CCDC122: variants seen among roughly 807,000 people sequenced by gnomAD.
CCDC122 encodes coiled-coil domain-containing protein 122.
Under a neutral mutation model 37.0 loss-of-function variants are expected in CCDC122, and 38 were observed. The observed-to-expected ratio is 1.03, with a 90% confidence interval of 0.79 to 1.35. The LOEUF is 1.35. Among genes scored for constraint, CCDC122 ranks in the 40% most tolerant of loss-of-function variants. The probability of loss-of-function intolerance (pLI) is 0.00; values close to 1 mark genes in which losing one functional copy is unlikely to be tolerated. For synonymous variants in CCDC122, 83 were observed against 95.6 expected, an observed-to-expected ratio of 0.87 and a Z score of 0.77; for missense variants, 305 against 310.0, an observed-to-expected ratio of 0.98 and a Z score of 0.12.
downstream of CCDC122, among the ~76,000 whole-genome samples, chr13:43,831,402 A>G (rs1953088338): frequency 6.6e-6 from 1 of 152,214 alleles, no homozygotes; most frequent in Non-Finnish European, 1.5e-5. Flanking sequence ...TTTCAGTGTC[A>G]TATACACAAA....
intron 3 of CCDC122, among the ~76,000 whole-genome samples, chr13:43,824,509 G>A (rs967623876): frequency 1.3e-5 from 2 of 152,160 alleles, no homozygotes; most frequent in Non-Finnish European, 2.9e-5. Context: ...AAGAGTTTAT[G>A]ACTAAGTCTT....
chr13:43,858,704 C>T (rs916617127), intron 6 of CCDC122, 77 bp downstream of exon 6: 7 of 1,044,880 alleles, frequency 6.7e-6, no homozygotes, highest in Non-Finnish European at 9.0e-6. Context: ...TGAGAGTAAA[C>T]TATGGAAATA....
chr13:43,857,337 A>G lies in CCDC122; in HGVS notation c.672+1444T>C, dbSNP rs577271665. On this transcript the variant is annotated intron_variant, in intron 6 of 6. Coordinates refer to ENST00000444614, the MANE Select transcript of CCDC122 (RefSeq NM_144974.5). The stretch of plus-strand genomic sequence containing the variant: ...AATCTGGAAATTTATGGCATAGTCA[A>G]AACTAAAGATATTTAACCACAGAAT... Among the ~76,000 whole-genome samples, 3 of 152,258 alleles carry G rather than the reference A, an allele frequency of 2.0e-5. No individual in the cohort carries two copies. The East Asian group carries it at 5.8e-4, about 29-fold the overall frequency.
At chr13:43,866,067 A>G (rs1954266854) in intron 4 of CCDC122, among the ~76,000 whole-genome samples, 1 of 152,222 alleles carries the variant, frequency 6.6e-6, no homozygotes, top group East Asian at 1.9e-4. Flanking sequence ...CTCATATGGC[A>G]TAGATGTGCT....
At chr13:43,856,163 T>C (rs1237741869) in intron 6 of CCDC122, 1 of 152,048 alleles carries the variant, frequency 6.6e-6, no homozygotes, top group Non-Finnish European at 1.5e-5. Flanking sequence ...TGATGAGAAC[T>C]TATGGACACA....
At chr13:43,850,835 C>CA (rs992725458) in intron 6 of CCDC122, among the ~76,000 whole-genome samples, 3 of 151,976 alleles carry the variant, frequency 2.0e-5, no homozygotes, top group Non-Finnish European at 4.4e-5. Context: ...GAGAGAACTC[C>CA]AAAAAGGATA....
intron 6 of CCDC122, among the ~76,000 whole-genome samples, chr13:43,842,048 T>C (rs1179242788): frequency 2.7e-5 from 4 of 148,174 alleles, no homozygotes; most frequent in Non-Finnish European, 4.5e-5. Flanking sequence ...AGTAGAAGTT[T>C]CAAAGTTTGA....
intron 2 of CCDC122, among the ~76,000 whole-genome samples, chr13:43,872,350 T>G (rs1954478889): frequency 1.3e-5 from 2 of 152,132 alleles, no homozygotes; most frequent in African/African-American, 4.8e-5. Context: ...TATACTCAAG[T>G]AGCTGAATAT....
rs557343845 is a variant in CCDC122, at chr13:43,837,331, T to C, written c.771A>G (p.Gln257=). The C allele has an allele frequency of 5.0e-6, 8 of 1,614,040 alleles. No homozygotes were observed. In the East Asian group the frequency reaches 6.7e-5, roughly 13 times the overall value. ...NRRQWQWNIQ[Q]LEKTAAELRK... ...TTAATTCGGCTGCAGTTTTTTCCAA[T>C]TGTTGAATGTTCCATTGCCACTGTC... Residue 257 remains glutamine (Q), a synonymous_variant, in exon 7 of 7, where the codon CAA becomes CAG. Transcript: ENST00000444614.
intron 3 of CCDC122, among the ~76,000 whole-genome samples, chr13:43,827,840 GC>G (rs758533212): frequency 2.6e-5 from 4 of 152,184 alleles, no homozygotes; most frequent in Non-Finnish European, 4.4e-5. Context: ...ATGAAGTTCA[GC>G]TTTATTGTGG....
downstream of CCDC122, among the ~76,000 whole-genome samples, chr13:43,822,057 G>A (rs1454959710): frequency 6.6e-6 from 1 of 152,152 alleles, no homozygotes; most frequent in East Asian, 1.9e-4. Flanking sequence ...GTAGATGTTC[G>A]TCAGTGTCTG....
At chr13:43,850,692 A>G (rs1441374769) in intron 6 of CCDC122, among the ~76,000 whole-genome samples, 1 of 152,218 alleles carries the variant, frequency 6.6e-6, no homozygotes, top group Non-Finnish European at 1.5e-5. Context: ...AACTATAACA[A>G]AAGATGTCAT....
intron 2 of CCDC122, among the ~76,000 whole-genome samples, chr13:43,871,063 C>T (rs1323169524): frequency 6.6e-6 from 1 of 151,992 alleles, no homozygotes; most frequent in East Asian, 1.9e-4. Context: ...TTTCAAGTCC[C>T]GCGTATACTG....
At chr13:43,871,689 C>A (rs1954457596) in intron 2 of CCDC122, among the ~76,000 whole-genome samples, 2 of 152,108 alleles carry the variant, frequency 1.3e-5, no homozygotes, top group Admixed American at 6.5e-5. Flanking sequence ...TTTCAGTGAA[C>A]TTCCCTTTTA....
intron 2 of CCDC122, among the ~76,000 whole-genome samples, chr13:43,872,729 G>T (rs1480306948): frequency 1.3e-5 from 2 of 151,958 alleles, no homozygotes; most frequent in South Asian, 2.1e-4. Context: ...TCTTTGAATG[G>T]TCCCTCAACA....
At chr13:43,828,555 TACACACACACACACAC>T (rs56901535) in intron 3 of CCDC122, among the ~76,000 whole-genome samples, 308 of 146,244 alleles carry the variant, frequency 2.1e-3, no homozygotes, top group Non-Finnish European at 3.3e-3. Flanking sequence ...TATAGACAGA[TACACACACACACACAC>T]ACACACACAC....
intron 3 of CCDC122, 91 bp from the exon 4 acceptor site, chr13:43,868,894 T>C: frequency 1.6e-6 from 1 of 617,582 alleles, no homozygotes; most frequent in Non-Finnish European, 2.5e-6. Context: ...AATCATGAAA[T>C]ATTTGATACT....
At chr13:43,857,273 T>G (rs1015522448) in intron 6 of CCDC122, among the ~76,000 whole-genome samples, 4 of 152,236 alleles carry the variant, frequency 2.6e-5, no homozygotes, top group Admixed American at 1.3e-4. Context: ...TAATCTAGAA[T>G]GGAGTCTTGT....
chr13:43,838,914 T>C (rs1953255931), intron 6 of CCDC122, among the ~76,000 whole-genome samples: 1 of 152,216 alleles, frequency 6.6e-6, no homozygotes, highest in African/African-American at 2.4e-5. Context: ...GGTGAGAATT[T>C]CAGTATTATA....
Sources: gnomAD v4.1 joint callset for allele counts (sites outside exome capture counted in the v4.1 genomes callset) on GRCh38, gnomAD v4.1.1 for gene constraint, MANE v1.5 for transcripts, NCBI Gene and HGNC (gene_info 2026-07-23, HGNC 2026-07-21) for gene names.